AOPEP: variants seen among roughly 807,000 people sequenced by gnomAD.
AOPEP encodes aminopeptidase O.
A neutral mutation model predicts 98.1 loss-of-function variants in AOPEP; 77 were observed. The ratio of observed to expected loss-of-function variants is 0.78; its 90% confidence interval spans 0.65 to 0.95. The LOEUF (loss-of-function observed/expected upper bound fraction) is 0.95, where lower values mean the gene tolerates loss of function less well. Among genes scored for constraint, AOPEP ranks in the 40% least tolerant of loss-of-function variants. The pLI is 0.00. For missense variants in AOPEP, 1,024 were observed against 1,024.7 expected, an observed-to-expected ratio of 1.00 and a Z score of 0.01; for synonymous variants, 346 against 365.3, an observed-to-expected ratio of 0.95 and a Z score of 0.60.
At chr9:95,047,797 TG>T (rs1428759928) in intron 13 of AOPEP, among the ~76,000 whole-genome samples, 10 of 152,200 alleles carry the variant, frequency 6.6e-5, no homozygotes, top group Non-Finnish European at 1.5e-5. Flanking sequence ...GCCATGCAAA[TG>T]TTCTGGTTGT....
chr9:94,778,485 A>G (rs990538121), intron 3 of AOPEP, among the ~76,000 whole-genome samples: 1 of 152,064 alleles, frequency 6.6e-6, no homozygotes, highest in Non-Finnish European at 1.5e-5. Flanking sequence ...AACAATATGG[A>G]TGAATCTCAC....
intron 16 of AOPEP, among the ~76,000 whole-genome samples, chr9:95,084,055 T>C (rs2070262768): frequency 6.6e-6 from 1 of 152,224 alleles, no homozygotes; most frequent in African/African-American, 2.4e-5. Flanking sequence ...CTGTGTCTGC[T>C]CCGTTTTTCT....
Position 94,759,944 on chromosome 9 carries a change from A to G in AOPEP, c.161A>G (p.Lys54Arg), listed in dbSNP as rs1424779660. ...TTCCTCGAGGATGGAAACAGATTCA[A>G]GAAACAGAATAGCTCTATTGAGGAA... ...VLFLEDGNRF[K>R]KQNSSIEEAC... Residue 54 changes from lysine (K) to arginine (R), a missense_variant, in exon 2 of 17, where the codon AAG becomes AGG. Transcript: ENST00000375315. 6.2e-7 allele frequency: 1 copy of G among 1,614,112 alleles called. No individual in the cohort carries two copies. Among genetic ancestry groups the G allele is most frequent in the Admixed American group, 1.7e-5 (1 of 60,006 alleles).
chr9:94,885,008 CAA>C (rs59763820), intron 5 of AOPEP, among the ~76,000 whole-genome samples: 60,441 of 112,976 alleles, frequency 0.53, 14,550 homozygotes, highest in East Asian at 0.65. Context: ...GACTCCGTCT[CAA>C]AAAAAAAAAA....
the AOPEP span, among the ~76,000 whole-genome samples, chr9:95,118,049 CCTT>C: frequency 6.8e-6 from 1 of 146,624 alleles, no homozygotes; most frequent in Admixed American, 6.8e-5. Context: ...GATGGAGTCT[CCTT>C]CTGTTGCGCA....
At chr9:94,941,948 C>T (rs79360909) in intron 7 of AOPEP, among the ~76,000 whole-genome samples, 12 of 152,178 alleles carry the variant, frequency 7.9e-5, no homozygotes, top group African/African-American at 2.9e-4. Context: ...TATAAAATTC[C>T]ATTTACTACC....
At chr9:94,792,142 G>T (rs1237311614) in intron 3 of AOPEP, among the ~76,000 whole-genome samples, 1 of 152,172 alleles carries the variant, frequency 6.6e-6, no homozygotes, top group Admixed American at 6.5e-5. Flanking sequence ...ACCTCTACAC[G>T]TGCTTTTCAT....
At chr9:94,914,475 T>C (rs535740234) in intron 5 of AOPEP, among the ~76,000 whole-genome samples, 3 of 152,196 alleles carry the variant, frequency 2.0e-5, no homozygotes, top group Non-Finnish European at 4.4e-5. Context: ...TCTGTAATGC[T>C]TATTATTGTT....
At chr9:95,111,489 C>CA in the AOPEP span, 42 of 1,613,728 alleles carry the variant, frequency 2.6e-5, no homozygotes, top group Non-Finnish European at 3.5e-5. Flanking sequence ...TGCTGCCTCC[C>CA]ATCACGGGGG....
intron 5 of AOPEP, among the ~76,000 whole-genome samples, chr9:94,818,677 T>C (rs545882478): frequency 4.6e-5 from 7 of 152,340 alleles, no homozygotes; most frequent in African/African-American, 1.4e-4. Context: ...CAAAATGTAT[T>C]TTTTAGTTCC....
intron 13 of AOPEP, among the ~76,000 whole-genome samples, chr9:95,029,776 A>G (rs1435935919): frequency 6.6e-6 from 1 of 152,228 alleles, no homozygotes; most frequent in East Asian, 1.9e-4. Flanking sequence ...AATTTAATTT[A>G]TAATAACCAA....
chr9:94,919,218 T>C (rs559819684), intron 5 of AOPEP, among the ~76,000 whole-genome samples: 1 of 152,292 alleles, frequency 6.6e-6, no homozygotes, highest in East Asian at 1.9e-4. Flanking sequence ...ACCTTAAGCC[T>C]TTCTTTCAAA....
intron 4 of AOPEP, among the ~76,000 whole-genome samples, chr9:94,793,725 G>C (rs919646028): frequency 6.6e-6 from 1 of 151,734 alleles, no homozygotes; most frequent in Non-Finnish European, 1.5e-5. Context: ...GAGAAGAAGA[G>C]ATGTGAGCCT....
intron 5 of AOPEP, among the ~76,000 whole-genome samples, chr9:94,830,547 G>A (rs183187650): frequency 6.6e-6 from 1 of 152,232 alleles, no homozygotes; most frequent in African/African-American, 2.4e-5. Flanking sequence ...ATTCCTTTGG[G>A]TATATACCCT....
intron 13 of AOPEP, among the ~76,000 whole-genome samples, chr9:95,032,153 TATC>T (rs1193863328): frequency 6.6e-6 from 1 of 152,210 alleles, no homozygotes; most frequent in Admixed American, 6.5e-5. Context: ...AAACACACTT[TATC>T]GTGTGTGTCT....
rs763916359 is a variant in AOPEP at position 94,979,368 on chromosome 9, C to T, written c.1918C>T (p.Leu640Phe). Residue 640 changes from leucine (L) to phenylalanine (F), a missense_variant and splice_region_variant, in exon 11 of 17, where the codon CTT becomes TTT. Leu to Phe is a conservative substitution (Grantham distance 22). Transcript: ENST00000375315. ...LLENIPEEKR[L>F]ELSVENIYQD... Reference sequence around the variant, plus strand: ...CTTTTTGTTGTTTTATTTCTAAAGGCTTGAGCTGTCTGTTGAAAACATCTA... The same window carrying T: ...CTTTTTGTTGTTTTATTTCTAAAGGTTTGAGCTGTCTGTTGAAAACATCTA... The T allele has an allele frequency of 6.3e-7, 1 of 1,597,696 alleles. No individual in the cohort carries two copies. The highest frequency in any genetic ancestry group is 1.3e-5 in the African/African-American group (1 of 74,922).
chr9:94,954,073 A>G (rs375322476), intron 7 of AOPEP, among the ~76,000 whole-genome samples: 1 of 152,196 alleles, frequency 6.6e-6, no homozygotes, highest in Non-Finnish European at 1.5e-5. Flanking sequence ...CTGTAATCCC[A>G]ACGCTTTGGG....
chr9:94,910,474 C>T (rs2051862692), intron 5 of AOPEP, among the ~76,000 whole-genome samples: 1 of 152,198 alleles, frequency 6.6e-6, no homozygotes, highest in African/African-American at 2.4e-5. Flanking sequence ...TCTTGGGCTC[C>T]CTCAAGGGTG....
chr9:95,004,730 T>G (rs1457726864), intron 11 of AOPEP, among the ~76,000 whole-genome samples: 2 of 113,312 alleles, frequency 1.8e-5, no homozygotes, highest in Non-Finnish European at 3.7e-5. Context: ...GGGGGCAAGG[T>G]GCGCGGGGGC....
Sources: allele counts gnomAD v4.1 joint callset (sites outside exome capture counted in the v4.1 genomes callset), GRCh38; gene constraint gnomAD v4.1.1; transcripts MANE v1.5; gene names NCBI Gene and HGNC (gene_info 2026-07-23, HGNC 2026-07-21).